The following IL12RB2 variants were observed in gnomAD, a reference collection of about 807,000 sequenced individuals.
IL12RB2 encodes the protein interleukin 12 receptor subunit beta 2.
In IL12RB2, 82 loss-of-function variants were observed where a neutral mutation model predicts 89.4. The ratio of observed to expected loss-of-function variants is 0.92; its 90% CI spans 0.77 to 1.10. The LOEUF is 1.10. Ranked by LOEUF, IL12RB2 falls within the 50% of genes least tolerant of loss-of-function variation. IL12RB2 has a pLI of 0.00. For missense variants in IL12RB2, 963 were observed against 1,031.9 expected (o/e 0.93, Z 0.92); for synonymous variants, 368 against 370.1 (o/e 0.99, Z 0.07).
intron 11 of IL12RB2, among the ~76,000 whole-genome samples, chr1:67,369,279 C>T (rs1016502788): frequency 6.6e-6 from 1 of 152,134 alleles, no homozygotes; most frequent in Non-Finnish European, 1.5e-5. Flanking sequence ...AAAGAGAATT[C>T]TAGATGGGCA....
chr1:67,311,489 T>A (rs1265523852), intron 1 of IL12RB2, among the ~76,000 whole-genome samples: 1 of 152,238 alleles, frequency 6.6e-6, no homozygotes. Context: ...CAGATTTTTC[T>A]ATCTGTAGAA....
intron 11 of IL12RB2, among the ~76,000 whole-genome samples, chr1:67,369,040 G>A (rs17129891): frequency 9.2e-5 from 14 of 152,112 alleles, no homozygotes; most frequent in African/African-American, 3.1e-4. Flanking sequence ...CCTGCTTAAG[G>A]TGACAAGATT....
chr1:67,323,432 A>T (rs1274622982), intron 4 of IL12RB2, among the ~76,000 whole-genome samples: 1 of 152,192 alleles, frequency 6.6e-6, no homozygotes, highest in African/African-American at 2.4e-5. Context: ...CTCCATCTGT[A>T]TTACGAAGAT....
intron 2 of IL12RB2, among the ~76,000 whole-genome samples, chr1:67,316,866 T>C (rs1196028041): frequency 1.3e-5 from 2 of 152,218 alleles, no homozygotes; most frequent in African/African-American, 2.4e-5. Flanking sequence ...GTCCTTCTTT[T>C]ATTATTACCT....
rs763458526 is a variant in IL12RB2 at position 67,321,621 on chromosome 1, T to A, written c.96T>A (p.Asp32Glu). Residue 32 changes from aspartate (D) to glutamate (E), a missense_variant, in exon 4 of 17, where the codon GAT becomes GAA. Transcript: ENST00000674203. Reference protein sequence around the residue: ...KAKIDACKRGDVTVKPSHVIL... With the variant: ...KAKIDACKRGEVTVKPSHVIL... Reference sequence around the variant, plus strand: ...TTGCAGATGCGTGCAAGAGAGGCGATGTGACTGTGAAGCCTTCCCATGTAA... The same window carrying A: ...TTGCAGATGCGTGCAAGAGAGGCGAAGTGACTGTGAAGCCTTCCCATGTAA... 1.9e-6 allele frequency: 3 copies of A among 1,604,806 alleles called. No individual in the cohort carries two copies.
chr1:67,328,412 T>C (rs752929978), intron 6 of IL12RB2, 28 bp downstream of exon 6: 1 of 1,612,920 alleles, frequency 6.2e-7, no homozygotes, highest in East Asian at 2.2e-5. Flanking sequence ...GTTTCATTGG[T>C]ACTTTATAAT....
intron 6 of IL12RB2, among the ~76,000 whole-genome samples, chr1:67,328,809 A>G (rs1430105619): frequency 1.3e-5 from 2 of 152,194 alleles, no homozygotes; most frequent in South Asian, 4.1e-4. Context: ...GCAGCGAGGT[A>G]CAAACTATAA....
At chr1:67,387,461 G>C (rs888022845) in intron 15 of IL12RB2, among the ~76,000 whole-genome samples, 2 of 151,786 alleles carry the variant, frequency 1.3e-5, no homozygotes, top group Admixed American at 6.6e-5. Flanking sequence ...CCAGCACTTT[G>C]GGAGGCTGAG....
chr1:67,310,914 G>A (rs553196857), intron 1 of IL12RB2, among the ~76,000 whole-genome samples: 10 of 152,166 alleles, frequency 6.6e-5, no homozygotes, highest in East Asian at 3.9e-4. Context: ...TAGTACAGAC[G>A]GAGTTTCACC....
intron 14 of IL12RB2, among the ~76,000 whole-genome samples, chr1:67,386,370 G>A (rs148544845): frequency 2.0e-4 from 30 of 152,270 alleles, no homozygotes; most frequent in Non-Finnish European, 2.9e-4. Context: ...GAGGAGCCCT[G>A]TAGGGCCAGA....
At chr1:67,317,687 C>A (rs1655950040) in intron 2 of IL12RB2, among the ~76,000 whole-genome samples, 1 of 152,170 alleles carries the variant, frequency 6.6e-6, no homozygotes, top group Admixed American at 6.5e-5. Flanking sequence ...GGGCCATTTT[C>A]CTGTCTACCA....
Position 67,330,690 on chromosome 1 carries a change from G to T in IL12RB2, c.838G>T (p.Asp280Tyr), listed in dbSNP as rs750640674. ...VNVTKAKGRH[D>Y]LLDLKPFTEY... ...TGTTACAAAGGCCAAAGGAAGACAT[G>T]ATTTGCTGGATCTGAAACCATTTAC... The change falls in exon 8 of 17, where the codon GAT (aspartate) becomes TAT (tyrosine). Residue 280 changes from aspartate (D) to tyrosine (Y), a missense_variant. Transcript: ENST00000674203. 6.4e-7 allele frequency: 1 copy of T among 1,556,456 alleles called. No individual in the cohort carries two copies. Among genetic ancestry groups the T allele is most frequent in the Admixed American group, 1.7e-5 (1 of 59,928 alleles).
intron 9 of IL12RB2, among the ~76,000 whole-genome samples, chr1:67,345,151 C>G (rs1660077368): frequency 6.6e-6 from 1 of 152,110 alleles, no homozygotes; most frequent in South Asian, 2.1e-4. Flanking sequence ...GCCTGGACGA[C>G]AGTGTGAGAC....
chr1:67,310,063 A>G (rs569867527), intron 1 of IL12RB2, among the ~76,000 whole-genome samples: 1 of 152,056 alleles, frequency 6.6e-6, no homozygotes, highest in South Asian at 2.1e-4. Flanking sequence ...GTGGCATGGT[A>G]ATCCCAGCTA....
intron 11 of IL12RB2, among the ~76,000 whole-genome samples, chr1:67,371,363 A>G (rs1305230009): frequency 6.6e-6 from 1 of 152,204 alleles, no homozygotes; most frequent in East Asian, 1.9e-4. Context: ...GGATTTTCAT[A>G]TAAAACACAA....
intron 7 of IL12RB2, among the ~76,000 whole-genome samples, chr1:67,330,255 C>A (rs906225832): frequency 1.4e-5 from 2 of 143,706 alleles, no homozygotes; most frequent in East Asian, 2.0e-4. Flanking sequence ...GAGAGTATAA[C>A]TAATTAAAGG....
intron 4 of IL12RB2, among the ~76,000 whole-genome samples, chr1:67,325,950 C>T (rs1448273943): frequency 6.6e-6 from 1 of 152,172 alleles, no homozygotes; most frequent in African/African-American, 2.4e-5. Context: ...TTTAAAAATA[C>T]ACACCTTACA....
intron 8 of IL12RB2, among the ~76,000 whole-genome samples, chr1:67,337,267 A>AC (rs1658893359): frequency 6.6e-6 from 1 of 151,984 alleles, no homozygotes. Context: ...CTAGGAAAAA[A>AC]CCCCAGCGCA....
At chr1:67,376,138 G>C (rs1391893903) in intron 13 of IL12RB2, among the ~76,000 whole-genome samples, 1 of 151,650 alleles carries the variant, frequency 6.6e-6, no homozygotes, top group Non-Finnish European at 1.5e-5. Flanking sequence ...GAGCCACCGC[G>C]CCTGGCTGGC....
Sources: gnomAD v4.1 joint callset for allele counts (sites outside exome capture counted in the v4.1 genomes callset) on GRCh38, gnomAD v4.1.1 for gene constraint, MANE v1.5 for transcripts, NCBI Gene and HGNC (gene_info 2026-07-23, HGNC 2026-07-21) for gene names.